The following DCC variants were observed in gnomAD, a reference collection of about 807,000 sequenced individuals.
DCC encodes netrin receptor DCC.
A neutral mutation model predicts 172.5 loss-of-function variants in DCC; 58 were observed. The ratio of observed to expected loss-of-function variants is 0.34; its 90% CI spans 0.27 to 0.42. The LOEUF is 0.42. Ranked by LOEUF, DCC falls within the 10% of genes least tolerant of loss-of-function variation. The probability of loss-of-function intolerance (pLI) is 1.00; values close to 1 mark genes in which losing one functional copy is unlikely to be tolerated. For synonymous variants in DCC, 709 were observed against 644.5 expected (o/e 1.10, Z -1.52); for missense variants, 1,740 against 1,791.0 (o/e 0.97, Z 0.51).
intron 1 of DCC, among the ~76,000 whole-genome samples, chr18:52,678,890 T>A (rs896029172): frequency 2.0e-5 from 3 of 152,098 alleles, no homozygotes; most frequent in Non-Finnish European, 2.9e-5. Flanking sequence ...GACTCTATTG[T>A]TAAATTTACC....
intron 7 of DCC, among the ~76,000 whole-genome samples, chr18:53,136,670 A>G (rs1290029290): frequency 6.6e-6 from 1 of 150,980 alleles, no homozygotes; most frequent in African/African-American, 2.5e-5. Context: ...TTGATAAGGT[A>G]TCTTGTGTCT....
At chr18:52,843,488 T>A (rs1470289451) in intron 2 of DCC, among the ~76,000 whole-genome samples, 1 of 152,110 alleles carries the variant, frequency 6.6e-6, no homozygotes, top group Non-Finnish European at 1.5e-5. Flanking sequence ...TTGCACAAAA[T>A]TATTTTAATA....
chr18:52,656,772 T>C (rs1416667329), intron 1 of DCC, among the ~76,000 whole-genome samples: 1 of 152,186 alleles, frequency 6.6e-6, no homozygotes, highest in Non-Finnish European at 1.5e-5. Flanking sequence ...TTTTAATTCT[T>C]GTTTTCAATT....
intron 1 of DCC, among the ~76,000 whole-genome samples, chr18:52,432,235 C>T (rs553375732): frequency 6.6e-6 from 1 of 152,216 alleles, no homozygotes; most frequent in Admixed American, 6.5e-5. Flanking sequence ...GCATGGCTCT[C>T]ATGATCAGGA....
intron 13 of DCC, among the ~76,000 whole-genome samples, chr18:53,307,988 T>C (rs546486543): frequency 2.6e-4 from 39 of 147,446 alleles, no homozygotes; most frequent in Non-Finnish European, 4.3e-4. Flanking sequence ...TATGTGGATG[T>C]ATGTCTGTAC....
intron 1 of DCC, among the ~76,000 whole-genome samples, chr18:52,557,332 G>T (rs12456338): frequency 0.037 from 5,695 of 152,154 alleles, 182 homozygotes; most frequent in East Asian, 0.1. Flanking sequence ...AAACCTTCAG[G>T]AATAAATCTA....
At chr18:52,489,846 C>T (rs1035792820) in intron 1 of DCC, among the ~76,000 whole-genome samples, 1 of 152,070 alleles carries the variant, frequency 6.6e-6, no homozygotes, top group Non-Finnish European at 1.5e-5. Context: ...CACTCATCAC[C>T]CTGATCTGAC....
chr18:52,857,367 A>G (rs1485033276), intron 2 of DCC, among the ~76,000 whole-genome samples: 2 of 152,222 alleles, frequency 1.3e-5, no homozygotes, highest in East Asian at 3.9e-4. Flanking sequence ...TTAAATATCC[A>G]AAAGAGAAAG....
chr18:52,908,836 T>A (rs112186920), intron 3 of DCC, among the ~76,000 whole-genome samples: 2,499 of 152,328 alleles, frequency 0.016, 61 homozygotes, highest in African/African-American at 0.054. Flanking sequence ...TGAGGGTTTT[T>A]ATCTAAATTA....
chr18:52,643,237 CAAG>C (rs1255330414), intron 1 of DCC, among the ~76,000 whole-genome samples: 3 of 152,142 alleles, frequency 2.0e-5, no homozygotes, highest in Non-Finnish European at 4.4e-5. Flanking sequence ...AAGGTTCAGA[CAAG>C]AAGATTTTCT....
At chr18:52,445,912 T>TTTTG (rs1008866663) in intron 1 of DCC, among the ~76,000 whole-genome samples, 9 of 152,212 alleles carry the variant, frequency 5.9e-5, no homozygotes, top group East Asian at 1.9e-4. Flanking sequence ...CTTACCAGTT[T>TTTTG]TTTGTTTGTT....
intron 12 of DCC, among the ~76,000 whole-genome samples, chr18:53,248,623 C>A (rs2056393520): frequency 6.6e-6 from 1 of 151,970 alleles, no homozygotes; most frequent in African/African-American, 2.4e-5. Context: ...TGTGACATTC[C>A]CCTGCCACAC....
intron 15 of DCC, among the ~76,000 whole-genome samples, chr18:53,341,237 G>T (rs2057655937): frequency 6.6e-6 from 1 of 152,138 alleles, no homozygotes; most frequent in Admixed American, 6.5e-5. Context: ...GGTGCCCATG[G>T]CAGTAAATGG....
At chr18:52,357,780 C>CA (rs887871575) in intron 1 of DCC, among the ~76,000 whole-genome samples, 2 of 151,370 alleles carry the variant, frequency 1.3e-5, no homozygotes, top group Non-Finnish European at 1.5e-5. Flanking sequence ...ACTAAAAATA[C>CA]AAAAAAAATT....
At chr18:53,414,328 T>C (rs1910171408) in intron 20 of DCC, among the ~76,000 whole-genome samples, 1 of 152,086 alleles carries the variant, frequency 6.6e-6, no homozygotes, top group African/African-American at 2.4e-5. Flanking sequence ...AGTAAGGTGG[T>C]AGATCATATA....
chr18:52,738,936 T>C (rs115353860), intron 1 of DCC, among the ~76,000 whole-genome samples: 349 of 151,382 alleles, frequency 2.3e-3, no homozygotes, highest in African/African-American at 7.7e-3. Context: ...TTTGTAGAGA[T>C]GGAGTCTTGC....
In DCC at chr18:53,351,384, G is replaced by C. The variant is rs867224123; in HGVS notation, c.2359+11477G>C. Among the ~76,000 whole-genome samples the C allele has an allele frequency of 3.9e-3, 79 of 20,306 alleles. 2 individuals are homozygous for C. The highest frequency in any genetic ancestry group is 0.031 in the Middle Eastern group (1 of 32). The allele number at this position is 20,306 out of a possible 152,430, so 13.3% of individuals were successfully genotyped here. A position where few individuals can be genotyped will look rare whatever the true frequency, so the allele number is the denominator to read the frequency against. The stretch of plus-strand genomic sequence containing the variant: ...TATATATACTGTATATATATATACA[G>C]TATATATATATACAGTGTATATATA... On this transcript the variant is annotated intron_variant, in intron 15 of 28. Coordinates refer to ENST00000442544, the MANE Select transcript of DCC (RefSeq NM_005215.4).
intron 1 of DCC, among the ~76,000 whole-genome samples, chr18:52,405,489 C>T (rs150933891): frequency 0.092 from 13,823 of 150,056 alleles, 858 homozygotes; most frequent in Middle Eastern, 0.18. Context: ...TCATGTCCTT[C>T]GCCCACTTTT....
At chr18:53,294,532 GGT>G (rs1423564702) in intron 12 of DCC, among the ~76,000 whole-genome samples, 3 of 152,148 alleles carry the variant, frequency 2.0e-5, no homozygotes, top group Non-Finnish European at 4.4e-5. Flanking sequence ...AGAAAGGGTG[GGT>G]GTATTTTGGA....
Sources: allele counts gnomAD v4.1 joint callset (sites outside exome capture counted in the v4.1 genomes callset), GRCh38; gene constraint gnomAD v4.1.1; transcripts MANE v1.5; gene names NCBI Gene and HGNC (gene_info 2026-07-23, HGNC 2026-07-21).